Variants in DMRTA2 observed in about 807,000 individuals in gnomAD.
DMRTA2 encodes the protein DMRT like family A2, also known as doublesex- and mab-3-related transcription factor A2.
Under a neutral mutation model 29.7 loss-of-function variants are expected in DMRTA2, and 10 were observed. That is an observed-to-expected ratio of 0.34 (90% confidence interval 0.21 to 0.57). The LOEUF (loss-of-function observed/expected upper bound fraction) is 0.57, where lower values mean the gene tolerates loss of function less well. Among genes scored for constraint, DMRTA2 ranks in the 20% least tolerant of loss-of-function variants. DMRTA2 has a pLI of 0.87. For missense variants in DMRTA2, 783 were observed against 812.1 expected (o/e 0.96, Z 0.44); for synonymous variants, 469 against 402.6 (o/e 1.16, Z -1.97).
In DMRTA2 at chr1:50,419,339, T is replaced by C. The variant is rs1646017544; in HGVS notation, c.955A>G (p.Ile319Val). 1 of 1,596,642 alleles carries C rather than the reference T, an allele frequency of 6.3e-7. No homozygotes were observed. The highest frequency in any genetic ancestry group is 1.3e-5 in the African/African-American group (1 of 74,680). Residue 319 changes from isoleucine (I) to valine (V), a missense_variant, in exon 3 of 3, where the codon ATC (isoleucine) becomes GTC (valine). Ile to Val is a conservative substitution (Grantham distance 29). This residue lies in a region of DMRTA2 where 667 missense variants were observed against 624.8 expected (regional missense o/e 1.07). Coordinates refer to ENST00000404795, the MANE Select transcript of DMRTA2 (RefSeq NM_032110.3). This position sits in a 1 kb window ranked among gnomAD's most constrained non-coding sequence, Gnocchi z 6.1. ...TGGCCTGGGAACACGCGTGTCAAGA[T>C]ATCCAGCGGCGTCCGCTGCCGTGGA... ...SGPRQRTPLDILTRVFPGHRR... is the reference protein window; with the variant it reads ...SGPRQRTPLDVLTRVFPGHRR...
Position 50,421,653 on chromosome 1 carries a change from G to T in DMRTA2, c.-8-109C>A, listed in dbSNP as rs1646040074. 2 of 1,177,626 alleles carry T rather than the reference G, an allele frequency of 1.7e-6. No individual in the cohort carries two copies. Among genetic ancestry groups the T allele is most frequent in the Non-Finnish European group, 2.1e-6 (2 of 949,674 alleles). 72.9% of individuals were successfully genotyped at this position (1,177,626 alleles called of 1,614,324 possible). The stretch of plus-strand genomic sequence containing the variant: ...CAAGCTGGAGAGGGAAATTTGGGCC[G>T]CGGAGGCTGGGCTAGAGGGGCCAGA... On this transcript the variant is annotated intron_variant, in intron 1 of 2. Coordinates refer to ENST00000404795, the MANE Select transcript of DMRTA2 (RefSeq NM_032110.3). The surrounding 1 kb of genome is among the most constrained non-coding windows in gnomAD (Gnocchi z 8.7).
chr1:50,420,846 G>T lies in DMRTA2; in HGVS notation c.559+132C>A. The T allele has an allele frequency of 7.6e-7, 1 of 1,314,622 alleles. No homozygotes were observed. The highest frequency in any genetic ancestry group is 9.8e-7 in the Non-Finnish European group (1 of 1,020,212). The allele number at this position is 1,314,622 out of a possible 1,614,324, so 81.4% of individuals were successfully genotyped here. The stretch of plus-strand genomic sequence containing the variant: ...ACGCTCCATACCCGAGGCTGGGCGA[G>T]CGGTGAACCCTAGCAGTCGCGGCGA... On this transcript the variant is annotated intron_variant, in intron 2 of 2. Coordinates refer to ENST00000404795, the MANE Select transcript of DMRTA2 (RefSeq NM_032110.3). This position sits in a 1 kb window ranked among gnomAD's most constrained non-coding sequence, Gnocchi z 4.1.
In DMRTA2 at chr1:50,418,801, C is replaced by G. The variant is rs755577114; in HGVS notation, c.1493G>C (p.Arg498Pro). The G allele has an allele frequency of 3.6e-5, 57 of 1,586,712 alleles. No homozygotes were observed. Among genetic ancestry groups the G allele is most frequent in the Non-Finnish European group, 4.8e-5 (56 of 1,169,222 alleles). ...GCTAAAGGCGTAGTCCATGGGTGGG[C>G]GGAAGCCGAGCGTGGGCACCAAGCC... is the stretch of plus-strand genomic sequence containing the variant. ...TAGLVPTLGF[R>P]PPMDYAFSDL... Residue 498 changes from arginine to proline, a missense_variant, in exon 3 of 3, where the codon CGC becomes CCC. Around this residue, in one of 3 missense-constraint regions of DMRTA2, gnomAD observed 667 missense variants for 624.8 expected, o/e 1.07. Transcript: ENST00000404795.
Position 50,419,861 on chromosome 1 carries a change from C to T in DMRTA2, c.560-127G>A, listed in dbSNP as rs1646023674. On this transcript the variant is annotated intron_variant, in intron 2 of 2. Coordinates refer to ENST00000404795, the MANE Select transcript of DMRTA2 (RefSeq NM_032110.3). This position sits in a 1 kb window ranked among gnomAD's most constrained non-coding sequence, Gnocchi z 6.1. ...AGCCCTTATTCACTAGGCTCCAGTG[C>T]CCCTCTTTCTTTTTGCTCTAGCATT... The T allele has an allele frequency of 2.6e-6, 2 of 776,346 alleles. No individual in the cohort carries two copies. Among genetic ancestry groups the T allele is most frequent in the South Asian group, 5.2e-5 (2 of 38,458 alleles). 48.1% of individuals were successfully genotyped at this position (776,346 alleles called of 1,614,324 possible). A position where few individuals can be genotyped will look rare whatever the true frequency, so the allele number is the denominator to read the frequency against.
In DMRTA2 at chr1:50,420,543, C is replaced by T. The variant is rs554535218; in HGVS notation, c.559+435G>A. On this transcript the variant is annotated intron_variant, in intron 2 of 2. Coordinates refer to ENST00000404795, the MANE Select transcript of DMRTA2 (RefSeq NM_032110.3). This position sits in a 1 kb window ranked among gnomAD's most constrained non-coding sequence, Gnocchi z 4.1. ...AAAAGAAACTAGGGCGTCTCAGAAC[C>T]TAGGGCGTCTCAAAACCTAGGGTGT... is the stretch of plus-strand genomic sequence containing the variant. Among the ~76,000 whole-genome samples the T allele has an allele frequency of 6.7e-6, 1 of 148,376 alleles. No homozygotes were observed. The highest frequency in any genetic ancestry group is 1.5e-5 in the Non-Finnish European group (1 of 67,826).
Position 50,421,003 on chromosome 1 carries a change from G to T in DMRTA2, c.534C>A (p.Gly178=), listed in dbSNP as rs1257781616. The change falls in exon 2 of 3, where the codon GGC becomes GGA. Residue 178 remains glycine (G), a synonymous_variant. Coordinates refer to ENST00000404795, the MANE Select transcript of DMRTA2 (RefSeq NM_032110.3). This position sits in a 1 kb window ranked among gnomAD's most constrained non-coding sequence, Gnocchi z 8.7. ...CTGAGCCCCCTGCGCCAGCTGCTCC[G>T]CCTCCGGTCCCCGCGGGCGCTCCCG... ...PGAGAPAGTG[G]GAAGAGGSEA... is the part of the protein sequence containing the mutation. 2 of 1,504,500 alleles carry T rather than the reference G, an allele frequency of 1.3e-6. No individual in the cohort carries two copies. The highest frequency in any genetic ancestry group is 4.2e-5 in the Admixed American group (2 of 48,058). The allele number at this position is 1,504,500 out of a possible 1,614,324, so 93.2% of individuals were successfully genotyped here.
rs936179121 is a variant in DMRTA2 at position 50,418,607 on chromosome 1, C to G, written c.*58G>C. 2 of 1,299,218 alleles carry G rather than the reference C, an allele frequency of 1.5e-6. No individual in the cohort carries two copies. Among genetic ancestry groups the G allele is most frequent in the African/African-American group, 1.6e-5 (1 of 64,258 alleles). 80.5% of individuals were successfully genotyped at this position (1,299,218 alleles called of 1,614,324 possible). A position where few individuals can be genotyped will look rare whatever the true frequency, so the allele number is the denominator to read the frequency against. ...GCTGGGCGAAGAGGGGTCGATGGCC[C>G]GCGGGAACAGGGCTGGGGTTCCTGT... On this transcript the variant is annotated 3_prime_UTR_variant, in exon 3 of 3. Transcript: ENST00000404795.
At position 50,419,593 on chromosome 1, in the gene DMRTA2, C is replaced by T. The variant is rs1156748666; in HGVS notation, c.701G>A (p.Arg234Gln). 2 of 1,551,788 alleles carry T rather than the reference C, an allele frequency of 1.3e-6. No individual in the cohort carries two copies. The highest frequency in any genetic ancestry group is 1.4e-5 in the African/African-American group (1 of 71,560). ...GCCGTTCTCCGAGCCTGAGCCGGGCCGCACCTCTGGGGACGACGTCCCGGG... is the reference window on the plus strand; with the variant it reads ...GCCGTTCTCCGAGCCTGAGCCGGGCTGCACCTCTGGGGACGACGTCCCGGG... ...SGPGTSSPEV[R>Q]PGSGSENGDG... Residue 234 changes from arginine to glutamine, a missense_variant, in exon 3 of 3, where the codon CGG becomes CAG. Around this residue, in one of 3 missense-constraint regions of DMRTA2, gnomAD observed 667 missense variants for 624.8 expected, o/e 1.07. Coordinates refer to ENST00000404795, the MANE Select transcript of DMRTA2 (RefSeq NM_032110.3). The surrounding 1 kb of genome is among the most constrained non-coding windows in gnomAD (Gnocchi z 6.1).
In DMRTA2 at chr1:50,422,024, C is replaced by T. The variant is rs952579474; in HGVS notation, c.-8-480G>A. On this transcript the variant is annotated intron_variant, in intron 1 of 2. Transcript: ENST00000404795. The surrounding 1 kb of genome is among the most constrained non-coding windows in gnomAD (Gnocchi z 5.7). ...CAAAACAGGAAAACCCGGAGCAAAA[C>T]GGTCAGTTTGGTGGAAGGGTGAAGA... Among the ~76,000 whole-genome samples the T allele has an allele frequency of 6.6e-6, 1 of 152,154 alleles. No individual in the cohort carries two copies. Among genetic ancestry groups the T allele is most frequent in the South Asian group, 2.1e-4 (1 of 4,828 alleles).
At position 50,419,712 on chromosome 1, in the gene DMRTA2, G is replaced by T; in HGVS notation, c.582C>A (p.Asp194Glu). The stretch of plus-strand genomic sequence containing the variant: ...CCTGCAGCAGCGTCTTAGGAAACAG[G>T]TCAAACTTCTGCAACTTGGCCTCTG... The part of the protein sequence containing the change: ...GGSEAKLQKF[D>E]LFPKTLLQAG... Residue 194 changes from aspartate to glutamate, a missense_variant, in exon 3 of 3, where the codon GAC becomes GAA. Physicochemically the swap from Asp to Glu is conservative, Grantham distance 45. Coordinates refer to ENST00000404795, the MANE Select transcript of DMRTA2 (RefSeq NM_032110.3). This position sits in a 1 kb window ranked among gnomAD's most constrained non-coding sequence, Gnocchi z 6.1. The T allele has an allele frequency of 6.7e-7, 1 of 1,486,448 alleles. No individual in the cohort carries two copies. The highest frequency in any genetic ancestry group is 1.5e-5 in the African/African-American group (1 of 68,312). 92.1% of individuals were successfully genotyped at this position (1,486,448 alleles called of 1,614,324 possible).
Position 50,418,890 on chromosome 1 carries a change from C to T in DMRTA2, c.1404G>A (p.Leu468=). ...TGTGCGCCGCCGCCGCGGAGTAGGC[C>T]AGGCGCAGGGGGCTGAGGCCGAGCG... is the stretch of plus-strand genomic sequence containing the variant. ...GAPLGLSPLR[L]AYSAAAAHSR... Residue 468 remains leucine, a synonymous_variant, in exon 3 of 3, where the codon CTG becomes CTA. Transcript: ENST00000404795. The T allele has an allele frequency of 6.7e-7, 1 of 1,494,512 alleles. No homozygotes were observed. Among genetic ancestry groups the T allele is most frequent in the Non-Finnish European group, 8.9e-7 (1 of 1,127,362 alleles). 92.6% of individuals were successfully genotyped at this position (1,494,512 alleles called of 1,614,324 possible). A position where few individuals can be genotyped will look rare whatever the true frequency, so the allele number is the denominator to read the frequency against.
At position 50,420,429 on chromosome 1, in the gene DMRTA2, T is replaced by C. The variant is rs985921330; in HGVS notation, c.559+549A>G. Among the ~76,000 whole-genome samples the C allele has an allele frequency of 1.3e-5, 2 of 152,070 alleles. No individual in the cohort carries two copies. Among genetic ancestry groups the C allele is most frequent in the East Asian group, 3.9e-4 (2 of 5,156 alleles). The stretch of plus-strand genomic sequence containing the variant: ...AGGAAAAGACATAGGAAAGCAGACC[T>C]GAGAAACCAGGGAGGGTGCGGAAGA... On this transcript the variant is annotated intron_variant, in intron 2 of 2. Transcript: ENST00000404795. The surrounding 1 kb of genome is among the most constrained non-coding windows in gnomAD (Gnocchi z 4.1).
Position 50,418,752 on chromosome 1 carries a change from G to A in DMRTA2, c.1542C>T (p.Ala514=). ...AFSDLMRDRS[A]AAAAAVHKEP... ...CCTTGTGCACCGCCGCAGCAGCGGC[G>A]GCCGAGCGGTCACGCATGAGATCGC... is the stretch of plus-strand genomic sequence containing the variant. Residue 514 remains alanine (A), a synonymous_variant, in exon 3 of 3, where the codon GCC becomes GCT. Coordinates refer to ENST00000404795, the MANE Select transcript of DMRTA2 (RefSeq NM_032110.3). The A allele has an allele frequency of 6.4e-7, 1 of 1,568,458 alleles. No individual in the cohort carries two copies. The highest frequency in any genetic ancestry group is 1.2e-5 in the South Asian group (1 of 84,924).
chr1:50,420,960 G>A lies in DMRTA2; in HGVS notation c.559+18C>T. Reference sequence around the variant, plus strand: ...TACGATCCTGCTGCCCCTACCTGCGGCCTGGCCGCGCTCTCACCTGAGCCC... The same window carrying A: ...TACGATCCTGCTGCCCCTACCTGCGACCTGGCCGCGCTCTCACCTGAGCCC... On this transcript the variant is annotated intron_variant, in intron 2 of 2. Coordinates refer to ENST00000404795, the MANE Select transcript of DMRTA2 (RefSeq NM_032110.3). The surrounding 1 kb of genome is among the most constrained non-coding windows in gnomAD (Gnocchi z 4.1). 1 of 1,440,034 alleles carries A rather than the reference G, an allele frequency of 6.9e-7. No individual in the cohort carries two copies. The highest frequency in any genetic ancestry group is 1.4e-5 in the South Asian group (1 of 70,520). 89.2% of individuals were successfully genotyped at this position (1,440,034 alleles called of 1,614,324 possible).
chr1:50,419,824 C>T lies in DMRTA2; in HGVS notation c.560-90G>A, dbSNP rs1265231011. On this transcript the variant is annotated intron_variant, in intron 2 of 2. Transcript: ENST00000404795. This position sits in a 1 kb window ranked among gnomAD's most constrained non-coding sequence, Gnocchi z 6.1. ...GCCCTTTGGATCTCAGTTTCCTCTC[C>T]CTCAGCCCCACAGCCCTTATTCACT... 2 of 1,137,910 alleles carry T rather than the reference C, an allele frequency of 1.8e-6. No homozygotes were observed. Among genetic ancestry groups the T allele is most frequent in the African/African-American group, 1.7e-5 (1 of 60,414 alleles). The allele number at this position is 1,137,910 out of a possible 1,614,324, so 70.5% of individuals were successfully genotyped here.
In DMRTA2 at chr1:50,419,676, C is replaced by T. The variant is rs769754528; in HGVS notation, c.618G>A (p.Pro206=). The part of the protein sequence containing the change: ...FPKTLLQAGR[P]GSPLPPPVKP... ...TCACCGGCGGCGGCAGCGGGCTGCC[C>T]GGGCGGCCTGCCTGCAGCAGCGTCT... Residue 206 remains proline (P), a synonymous_variant, in exon 3 of 3, where the codon CCG becomes CCA. Transcript: ENST00000404795. The surrounding 1 kb of genome is among the most constrained non-coding windows in gnomAD (Gnocchi z 6.1). 4 of 1,495,954 alleles carry T rather than the reference C, an allele frequency of 2.7e-6. No homozygotes were observed. The highest frequency in any genetic ancestry group is 2.4e-5 in the Admixed American group (1 of 41,354). The allele number at this position is 1,495,954 out of a possible 1,614,324, so 92.7% of individuals were successfully genotyped here. A position where few individuals can be genotyped will look rare whatever the true frequency, so the allele number is the denominator to read the frequency against.
Position 50,421,487 on chromosome 1 carries a change from G to A in DMRTA2, c.50C>T (p.Ala17Val), listed in dbSNP as rs1646038351. 3.1e-6 allele frequency: 4 copies of A among 1,271,542 alleles called. No homozygotes were observed. The highest frequency in any genetic ancestry group is 2.0e-6 in the Non-Finnish European group (2 of 1,015,182). 78.8% of individuals were successfully genotyped at this position (1,271,542 alleles called of 1,614,324 possible). ...AGGCGGCCCCGTCGCTGTTGCCGCC[G>A]CCGCCGTCGCCGCGCCGGGCACGCT... ...LPSVPGAATA[A>V]AATATGPPVA... The change falls in exon 2 of 3, where the codon GCG becomes GTG. Residue 17 changes from alanine to valine, a missense_variant. By Grantham distance (64) the Ala-to-Val change is moderately conservative. Coordinates refer to ENST00000404795, the MANE Select transcript of DMRTA2 (RefSeq NM_032110.3). This position sits in a 1 kb window ranked among gnomAD's most constrained non-coding sequence, Gnocchi z 8.7.
Position 50,419,041 on chromosome 1 carries a change from G to A in DMRTA2, c.1253C>T (p.Pro418Leu). 2 of 1,362,506 alleles carry A rather than the reference G, an allele frequency of 1.5e-6. No homozygotes were observed. Among genetic ancestry groups the A allele is most frequent in the Non-Finnish European group, 9.4e-7 (1 of 1,062,740 alleles). The allele number at this position is 1,362,506 out of a possible 1,614,324, so 84.4% of individuals were successfully genotyped here. ...AGPAAPPHHR[P>L]LLAGAMAPGA... ...AGGCGCCATGGCGCCGGCCAGCAAG[G>A]GTCTGTGGTGCGGAGGTGCGGCGGG... The change falls in exon 3 of 3, where the codon CCC becomes CTC. Residue 418 changes from proline (P) to leucine (L), a missense_variant. Pro to Leu is a moderately conservative substitution (Grantham distance 98). Coordinates refer to ENST00000404795, the MANE Select transcript of DMRTA2 (RefSeq NM_032110.3). This position sits in a 1 kb window ranked among gnomAD's most constrained non-coding sequence, Gnocchi z 6.1.
rs1415796214 is a variant in DMRTA2 at position 50,421,774 on chromosome 1, A to G, written c.-8-230T>C. On this transcript the variant is annotated intron_variant, in intron 1 of 2. Transcript: ENST00000404795. The surrounding 1 kb of genome is among the most constrained non-coding windows in gnomAD (Gnocchi z 8.7). ...TGCTCTTAGACCTGATATACACGCT[A>G]GGGGTAAGATTTTGTCTGAATTAGT... 1 of 367,852 alleles carries G rather than the reference A, an allele frequency of 2.7e-6. No individual in the cohort carries two copies. The highest frequency in any genetic ancestry group is 4.7e-6 in the Non-Finnish European group (1 of 212,074). 22.8% of individuals were successfully genotyped at this position (367,852 alleles called of 1,614,324 possible). A position where few individuals can be genotyped will look rare whatever the true frequency, so the allele number is the denominator to read the frequency against.
Sources: gnomAD v4.1 joint callset for allele counts (sites outside exome capture counted in the v4.1 genomes callset) on GRCh38, gnomAD v4.1.1 for gene constraint, gnomAD v4.1.1 regional missense constraint, Gnocchi (gnomAD v3.1) non-coding constraint, MANE v1.5 for transcripts, NCBI Gene and HGNC (gene_info 2026-07-23, HGNC 2026-07-21) for gene names.